FREM2: variants seen among roughly 807,000 people sequenced by gnomAD.
FREM2 encodes FRAS1 related extracellular matrix 2.
FREM2 carries 119 observed loss-of-function variants against 219.9 expected under a neutral mutation model. That is an observed-to-expected ratio of 0.54 (90% CI 0.47 to 0.63). The LOEUF (loss-of-function observed/expected upper bound fraction) is 0.63. Ranked by LOEUF, FREM2 falls within the 30% of genes least tolerant of loss-of-function variation. The pLI is 0.00. For missense variants in FREM2, 4,030 were observed against 3,993.6 expected (o/e 1.01, Z -0.25); for synonymous variants, 1,562 against 1,522.8 (o/e 1.03, Z -0.60).
At chr13:38,862,127 A>C (rs561882898) in intron 15 of FREM2, among the ~76,000 whole-genome samples, 10 of 152,348 alleles carry the variant, frequency 6.6e-5, no homozygotes, top group African/African-American at 2.4e-4. Flanking sequence ...AGGCATTTTC[A>C]AGTTATTTTC....
At position 38,693,070 on chromosome 13, in the gene FREM2, ATT is replaced by A. The variant is rs534806820; in HGVS notation, c.5173+557_5173+558del. Among the ~76,000 whole-genome samples, 218 of 152,290 alleles carry A rather than the reference ATT, an allele frequency of 1.4e-3. 1 individual carries two copies. The highest frequency in any genetic ancestry group is 5.0e-3 in the African/African-American group (208 of 41,576). On this transcript the variant is annotated intron_variant, in intron 1 of 23. Transcript: ENST00000280481. Reference sequence around the variant, plus strand: ...TTGTTTACATTTATTTACTTTGTTGATTTTTAAAATTGTTAATAATATTTCAT... The same window carrying A: ...TTGTTTACATTTATTTACTTTGTTGATTTAAAATTGTTAATAATATTTCAT...
At chr13:38,848,920 C>G (rs1223013780) in intron 8 of FREM2, among the ~76,000 whole-genome samples, 1 of 152,108 alleles carries the variant, frequency 6.6e-6, no homozygotes, top group Non-Finnish European at 1.5e-5. Context: ...GGTTCCAGGC[C>G]TCTCTCCTTG....
intron 2 of FREM2, among the ~76,000 whole-genome samples, chr13:38,731,017 A>G (rs1030495174): frequency 6.6e-6 from 1 of 151,932 alleles, no homozygotes; most frequent in South Asian, 2.1e-4. Context: ...TGAAGAATTC[A>G]TAATTATTTT....
At chr13:38,795,836 T>C (rs1874749589) in intron 6 of FREM2, among the ~76,000 whole-genome samples, 2 of 152,152 alleles carry the variant, frequency 1.3e-5, no homozygotes, top group Admixed American at 1.3e-4. Context: ...CGAGGCAGAA[T>C]ATGCAGTATC....
At chr13:38,789,121 G>A (rs896047890) in intron 6 of FREM2, among the ~76,000 whole-genome samples, 1 of 151,832 alleles carries the variant, frequency 6.6e-6, no homozygotes, top group African/African-American at 2.4e-5. Flanking sequence ...GTTTATAATG[G>A]CCTCATTAAT....
Position 38,880,833 on chromosome 13 carries a change from G to A in FREM2, c.*46G>A. The stretch of plus-strand genomic sequence containing the variant: ...CCTTTTCCGTAAGTGCCTCGGAAAA[G>A]ATCACAATGGAACCTTAAATACTTC... On this transcript the variant is annotated 3_prime_UTR_variant, in exon 24 of 24. Transcript: ENST00000280481. The A allele has an allele frequency of 6.2e-7, 1 of 1,603,184 alleles. No homozygotes were observed. Among genetic ancestry groups the A allele is most frequent in the Non-Finnish European group, 8.5e-7 (1 of 1,171,158 alleles).
Position 38,813,761 on chromosome 13 carries a change from G to C in FREM2, c.6019+28953G>C, listed in dbSNP as rs1310521237. 2.7e-5 allele frequency among the ~76,000 whole-genome samples: 4 copies of C among 150,898 alleles called. No individual in the cohort carries two copies. The East Asian group carries it at 7.8e-4, about 29-fold the overall frequency. The stretch of plus-strand genomic sequence containing the variant: ...TTTCTCTAGGTTTGGGAAGTTCTCT[G>C]ATATTATCCCTTTGGATAAACTTTC... On this transcript the variant is annotated intron_variant, in intron 6 of 23. Coordinates refer to ENST00000280481, the MANE Select transcript of FREM2 (RefSeq NM_207361.6).
chr13:38,722,384 T>A (rs1011703935), intron 2 of FREM2, among the ~76,000 whole-genome samples: 4 of 152,060 alleles, frequency 2.6e-5, no homozygotes, highest in Non-Finnish European at 4.4e-5. Context: ...ATATGTTTTT[T>A]AAACAAACTC....
rs1232388318 is a variant in FREM2, at chr13:38,734,166, C to CA, written c.5264-30128dup. 5.3e-3 allele frequency among the ~76,000 whole-genome samples: 741 copies of CA among 140,686 alleles called. 7 individuals carry two copies. Among genetic ancestry groups the CA allele is most frequent in the African/African-American group, 0.018 (674 of 38,510 alleles). The allele number at this position is 140,686 out of a possible 152,430, so 92.3% of individuals were successfully genotyped here. ...AAAGAGGCTTTGATTTGCACACACACAAAAAAAAAAGAAAGAAAAGAAACA... is the reference window on the plus strand; with the variant it reads ...AAAGAGGCTTTGATTTGCACACACACAAAAAAAAAAAGAAAGAAAAGAAACA... On this transcript the variant is annotated intron_variant, in intron 2 of 23. Transcript: ENST00000280481.
At chr13:38,718,421 A>C (rs745487053) in intron 2 of FREM2, among the ~76,000 whole-genome samples, 15 of 152,198 alleles carry the variant, frequency 9.9e-5, no homozygotes, top group Non-Finnish European at 1.5e-4. Context: ...TGCTTTTAAG[A>C]ATTGATGGGA....
At chr13:38,793,031 A>G (rs560061850) in intron 6 of FREM2, among the ~76,000 whole-genome samples, 2 of 152,378 alleles carry the variant, frequency 1.3e-5, no homozygotes, top group East Asian at 1.9e-4. Flanking sequence ...GGAGTAAATC[A>G]TGAGATGGAA....
intron 13 of FREM2, among the ~76,000 whole-genome samples, chr13:38,858,259 G>A (rs1454061738): frequency 6.6e-6 from 1 of 152,114 alleles, no homozygotes; most frequent in Non-Finnish European, 1.5e-5. Context: ...TGTTATCTCA[G>A]TCTGTCACCA....
chr13:38,798,848 G>A (rs527403480), intron 6 of FREM2, among the ~76,000 whole-genome samples: 5 of 151,912 alleles, frequency 3.3e-5, no homozygotes, highest in Admixed American at 1.3e-4. Flanking sequence ...TTGTTTATTT[G>A]GGTCTTCTAT....
chr13:38,847,851 G>GA (rs1490113633), intron 7 of FREM2, among the ~76,000 whole-genome samples: 1 of 152,104 alleles, frequency 6.6e-6, no homozygotes, highest in Non-Finnish European at 1.5e-5. Context: ...GATATAAGTG[G>GA]AGGTATCAAC....
At chr13:38,839,401 C>G (rs1876852674) in intron 6 of FREM2, among the ~76,000 whole-genome samples, 1 of 152,140 alleles carries the variant, frequency 6.6e-6, no homozygotes, top group Admixed American at 6.5e-5. Flanking sequence ...TCTGTCAACC[C>G]CTGCTAGGAG....
chr13:38,695,710 A>C (rs1870081366), intron 1 of FREM2, among the ~76,000 whole-genome samples: 1 of 152,214 alleles, frequency 6.6e-6, no homozygotes, highest in Non-Finnish European at 1.5e-5. Flanking sequence ...GATAAAGTGA[A>C]GGTTATACAA....
chr13:38,725,212 A>G (rs954398929), intron 2 of FREM2, among the ~76,000 whole-genome samples: 3 of 152,184 alleles, frequency 2.0e-5, no homozygotes, highest in Non-Finnish European at 2.9e-5. Flanking sequence ...ATTATCTGCC[A>G]ATTTTGTGTC....
intron 2 of FREM2, among the ~76,000 whole-genome samples, chr13:38,751,389 G>A (rs1166276361): frequency 1.3e-5 from 2 of 152,028 alleles, no homozygotes; most frequent in Admixed American, 6.6e-5. Flanking sequence ...GAGCAGCCTG[G>A]TTTTCCAGCT....
rs958913843 is a variant in FREM2 at position 38,695,775 on chromosome 13, C to T, written c.5174-1923C>T. Among the ~76,000 whole-genome samples the T allele has an allele frequency of 3.3e-5, 5 of 152,096 alleles. No individual in the cohort carries two copies. In the East Asian group the frequency reaches 5.8e-4, roughly 18 times the overall value. On this transcript the variant is annotated intron_variant, in intron 1 of 23. Coordinates refer to ENST00000280481, the MANE Select transcript of FREM2 (RefSeq NM_207361.6). ...AGTTGTGTAGGGGCTTCAGTTCTTACCCTGGCAGAAACATCATACATGCAA... is the reference window on the plus strand; with the variant it reads ...AGTTGTGTAGGGGCTTCAGTTCTTATCCTGGCAGAAACATCATACATGCAA...
Sources: allele counts gnomAD v4.1 joint callset (sites outside exome capture counted in the v4.1 genomes callset), GRCh38; gene constraint gnomAD v4.1.1; transcripts MANE v1.5; gene names NCBI Gene and HGNC (gene_info 2026-07-23, HGNC 2026-07-21).